The following EIF2A variants were observed in gnomAD, a reference collection of about 807,000 sequenced individuals.
EIF2A encodes eukaryotic translation initiation factor 2A, also known as 65 kDa eukaryotic translation initiation factor 2A.
A neutral mutation model predicts 75.2 loss-of-function variants in EIF2A; 62 were observed. That is an observed-to-expected ratio of 0.82 (90% confidence interval 0.67 to 1.02). The LOEUF (loss-of-function observed/expected upper bound fraction) is 1.02. EIF2A is among the 50% of genes least tolerant of loss of function. The probability of loss-of-function intolerance (pLI) is 0.00; values close to 1 mark genes in which losing one functional copy is unlikely to be tolerated. For missense variants in EIF2A, 611 were observed against 677.7 expected (o/e 0.90, Z 1.09); for synonymous variants, 207 against 239.0 (o/e 0.87, Z 1.23).
intron 11 of EIF2A, among the ~76,000 whole-genome samples, chr3:150,580,416 G>T (rs1267962788): frequency 1.3e-5 from 2 of 152,150 alleles, no homozygotes; most frequent in African/African-American, 4.8e-5. Context: ...AAAGATATGT[G>T]AATATGGTCT....
chr3:150,579,557 A>G (rs1725053978), intron 11 of EIF2A, among the ~76,000 whole-genome samples: 1 of 152,102 alleles, frequency 6.6e-6, no homozygotes, highest in African/African-American at 2.4e-5. Context: ...TAAAAATACA[A>G]AATTAGCTGG....
At chr3:150,568,105 TC>T (rs1288504154) in intron 8 of EIF2A, 59 bp downstream of exon 8, 25 of 1,600,414 alleles carry the variant, frequency 1.6e-5, no homozygotes, top group Admixed American at 1.2e-4. Flanking sequence ...TAGGCTATAT[TC>T]CTATGTGTAT....
At chr3:150,553,442 C>T (rs1483054447) in intron 2 of EIF2A, among the ~76,000 whole-genome samples, 1 of 151,962 alleles carries the variant, frequency 6.6e-6, no homozygotes, top group Non-Finnish European at 1.5e-5. Context: ...GAGTTTTGCC[C>T]TTGTTGCCCA....
chr3:150,547,158 C>T, intron 1 of EIF2A: 1 of 380,338 alleles, frequency 2.6e-6, no homozygotes, highest in Non-Finnish European at 5.0e-6. Flanking sequence ...TTACACGGGC[C>T]CTTGTGAAGT....
intron 11 of EIF2A, among the ~76,000 whole-genome samples, chr3:150,577,970 AAAATG>A (rs1449338384): frequency 6.6e-6 from 1 of 152,196 alleles, no homozygotes; most frequent in Non-Finnish European, 1.5e-5. Context: ...ATTCCAAGTA[AAAATG>A]ATCTATTCCA....
intron 11 of EIF2A, among the ~76,000 whole-genome samples, chr3:150,579,702 CAA>C (rs66761185): frequency 5.8e-4 from 78 of 134,054 alleles, no homozygotes; most frequent in Non-Finnish European, 5.9e-4. Flanking sequence ...ACTCTGTCTC[CAA>C]AAAAAAAAAA....
intron 6 of EIF2A, chr3:150,565,254 G>C (rs1187558857): frequency 2.2e-6 from 1 of 455,092 alleles, no homozygotes; most frequent in East Asian, 7.0e-5. Context: ...TACATTATAA[G>C]GTGATGTTCA....
intron 1 of EIF2A, among the ~76,000 whole-genome samples, chr3:150,551,578 A>C (rs1723316396): frequency 6.6e-6 from 1 of 151,578 alleles, no homozygotes; most frequent in Non-Finnish European, 1.5e-5. Context: ...AAAAAAAAAA[A>C]ATAGCCAAGC....
chr3:150,575,438 T>C (rs555583857), intron 10 of EIF2A, among the ~76,000 whole-genome samples: 95 of 152,294 alleles, frequency 6.2e-4, no homozygotes, highest in African/African-American at 2.1e-3. Context: ...TCTGATATGA[T>C]TGAAAGATAT....
intron 11 of EIF2A, among the ~76,000 whole-genome samples, chr3:150,581,156 A>G (rs1399229689): frequency 6.6e-6 from 1 of 152,206 alleles, no homozygotes; most frequent in African/African-American, 2.4e-5. Flanking sequence ...AGGGGAAAAA[A>G]GTTTTGTGGT....
chr3:150,568,347 A>G (rs1724307764), intron 9 of EIF2A, 55 bp downstream of exon 9: 1 of 1,355,750 alleles, frequency 7.4e-7, no homozygotes, highest in African/African-American at 1.5e-5. Context: ...AAAAAATACT[A>G]TGCCATAAAG....
Position 150,558,390 on chromosome 3 carries a change from A to C in EIF2A, c.101A>C (p.Glu34Ala), listed in dbSNP as rs1200380129. The C allele has an allele frequency of 2.0e-6, 3 of 1,516,072 alleles. No homozygotes were observed. The highest frequency in any genetic ancestry group is 2.6e-6 in the Non-Finnish European group (3 of 1,140,280). 93.9% of individuals were successfully genotyped at this position (1,516,072 alleles called of 1,614,324 possible). Residue 34 changes from glutamate (E) to alanine (A), a missense_variant and splice_region_variant, in exon 3 of 14, where the codon GAA becomes GCA. Physicochemically the swap from Glu to Ala is moderately radical, Grantham distance 107 (BLOSUM62 -1). Transcript: ENST00000460851. ...HFTESTVFPR[E>A]SGKNCKVCIF... ...CCTTTTTTTTTTGTCATTTTCAGGG[A>C]ATCTGGGAAGAATTGCAAAGTCTGT...
intron 12 of EIF2A, 56 bp downstream of exon 12, chr3:150,581,802 A>C: frequency 6.5e-7 from 1 of 1,541,318 alleles, no homozygotes; most frequent in South Asian, 1.2e-5. Flanking sequence ...AAATTATATA[A>C]GTAAGAGAGT....
chr3:150,565,278 G>A, intron 6 of EIF2A: 1 of 453,566 alleles, frequency 2.2e-6, no homozygotes, highest in East Asian at 7.0e-5. Context: ...CTTTTATCAA[G>A]AAGCACATAA....
intron 5 of EIF2A, among the ~76,000 whole-genome samples, chr3:150,564,039 G>A (rs543911590): frequency 1.3e-5 from 2 of 152,222 alleles, no homozygotes; most frequent in East Asian, 3.9e-4. Flanking sequence ...GGCTGGTCTT[G>A]AACTCCTGAC....
At chr3:150,557,592 G>A (rs1256894197) in intron 2 of EIF2A, 3 of 286,996 alleles carry the variant, frequency 1.0e-5, no homozygotes, top group South Asian at 5.1e-5. Flanking sequence ...TAGAGACAGG[G>A]TTTCGCCATG....
intron 2 of EIF2A, among the ~76,000 whole-genome samples, chr3:150,553,455 C>T (rs1200562524): frequency 1.3e-5 from 2 of 152,026 alleles, no homozygotes; most frequent in East Asian, 1.9e-4. Context: ...GTTGCCCAGG[C>T]TAGAGTGCAG....
chr3:150,579,040 G>A (rs1054009972), intron 11 of EIF2A, among the ~76,000 whole-genome samples: 2 of 152,062 alleles, frequency 1.3e-5, no homozygotes, highest in Non-Finnish European at 2.9e-5. Flanking sequence ...CTTGTTCTTG[G>A]TTAGTTTGTG....
At chr3:150,550,584 C>A (rs1401296874) in intron 1 of EIF2A, among the ~76,000 whole-genome samples, 2 of 152,294 alleles carry the variant, frequency 1.3e-5, no homozygotes, top group East Asian at 3.9e-4. Context: ...AGGTGGCTTA[C>A]AGCTGTAATC....
Sources: allele counts gnomAD v4.1 joint callset (sites outside exome capture counted in the v4.1 genomes callset), GRCh38; gene constraint gnomAD v4.1.1; transcripts MANE v1.5; gene names NCBI Gene and HGNC (gene_info 2026-07-23, HGNC 2026-07-21).